The following DPRX variants were observed in gnomAD, a reference collection of about 807,000 sequenced individuals.
The protein encoded by DPRX is divergent-paired related homeobox.
A neutral mutation model predicts 8.4 loss-of-function variants in DPRX; 11 were observed. That is an observed-to-expected ratio of 1.31 (90% CI 0.82 to 2.17). DPRX has a LOEUF of 2.17. Ranked by LOEUF, DPRX falls within the 30% of genes most tolerant of loss-of-function variation. The pLI is 0.00. For synonymous variants in DPRX, 72 were observed against 87.0 expected (o/e 0.83, Z 0.96); for missense variants, 211 against 236.7 (o/e 0.89, Z 0.71).
upstream of DPRX, among the ~76,000 whole-genome samples, chr19:53,627,277 C>T (rs1322711238): frequency 6.6e-6 from 1 of 152,024 alleles, no homozygotes; most frequent in Non-Finnish European, 1.5e-5. Context: ...CTTCTTTTCT[C>T]CCCTTAAAAG....
the DPRX span, among the ~76,000 whole-genome samples, chr19:53,615,309 C>T: frequency 6.6e-6 from 1 of 151,000 alleles, no homozygotes; most frequent in African/African-American, 2.4e-5. Context: ...GAGACGCAGT[C>T]TCACTCTGTC....
the DPRX span, among the ~76,000 whole-genome samples, chr19:53,621,573 A>C: frequency 2.0e-5 from 3 of 152,106 alleles, no homozygotes; most frequent in Admixed American, 6.6e-5. Context: ...AGGCAGACTG[A>C]TCACTTTAGG....
the DPRX span, chr19:53,616,895 T>C: frequency 6.7e-7 from 1 of 1,492,256 alleles, no homozygotes; most frequent in South Asian, 1.1e-5. Context: ...CCGTTGGCCA[T>C]GACTATGTAT....
chr19:53,603,261 T>C, the DPRX span: 2 of 448,236 alleles, frequency 4.5e-6, no homozygotes. Context: ...TCACAACTCC[T>C]CTCAACTACC....
intron 2 of DPRX, among the ~76,000 whole-genome samples, chr19:53,635,960 C>T (rs1208525264): frequency 6.6e-6 from 1 of 152,126 alleles, no homozygotes; most frequent in Admixed American, 6.6e-5. Flanking sequence ...CCCAAAATCT[C>T]TCATTTCTGC....
chr19:53,622,025 A>G, the DPRX span, among the ~76,000 whole-genome samples: 12,718 of 151,964 alleles, frequency 0.084, 727 homozygotes, highest in African/African-American at 0.16. Context: ...TTTGCCTGCT[A>G]GGGTGACTCA....
the DPRX span, chr19:53,616,675 A>T: frequency 1.4e-6 from 1 of 738,860 alleles, no homozygotes. Flanking sequence ...AATCCCTTGA[A>T]CCTCATAGGC....
At chr19:53,610,264 G>A in the DPRX span, among the ~76,000 whole-genome samples, 3 of 151,694 alleles carry the variant, frequency 2.0e-5, no homozygotes, top group Non-Finnish European at 4.4e-5. Flanking sequence ...AGGTTGCAGT[G>A]AGCAGAGATC....
At chr19:53,635,486 G>A (rs192962253) in intron 2 of DPRX, among the ~76,000 whole-genome samples, 59 of 152,164 alleles carry the variant, frequency 3.9e-4, no homozygotes, top group African/African-American at 1.4e-3. Context: ...GACTACAGGT[G>A]TGTGGTACTA....
the DPRX span, among the ~76,000 whole-genome samples, chr19:53,607,767 C>T: frequency 2.6e-5 from 4 of 151,332 alleles, no homozygotes; most frequent in Non-Finnish European, 4.4e-5. Flanking sequence ...AGGAGAATCG[C>T]TTGAACCCGG....
the DPRX span, among the ~76,000 whole-genome samples, chr19:53,619,365 T>A: frequency 6.6e-6 from 1 of 151,788 alleles, no homozygotes; most frequent in Non-Finnish European, 1.5e-5. Flanking sequence ...ATAGTGAAAC[T>A]CTGTCTCTAC....
the DPRX span, among the ~76,000 whole-genome samples, chr19:53,624,351 AG>A: frequency 0.77 from 116,152 of 150,996 alleles, 45,453 homozygotes; most frequent in Admixed American, 0.85. Context: ...GGCCTCCCAA[AG>A]GGCTGGGATT....
At chr19:53,601,545 G>A in the DPRX span, among the ~76,000 whole-genome samples, 6 of 148,788 alleles carry the variant, frequency 4.0e-5, no homozygotes, top group African/African-American at 7.5e-5. Context: ...GCAGTGGCGC[G>A]ATCTCAGCTG....
chr19:53,616,552 C>T, the DPRX span, among the ~76,000 whole-genome samples: 4 of 152,124 alleles, frequency 2.6e-5, no homozygotes, highest in South Asian at 2.1e-4. Flanking sequence ...GTCAGGAGTT[C>T]GAGACCAGCC....
the DPRX span, among the ~76,000 whole-genome samples, chr19:53,625,197 C>T: frequency 6.6e-6 from 1 of 151,662 alleles, no homozygotes; most frequent in South Asian, 2.1e-4. Context: ...ACTATAGGTG[C>T]ATGCCTCCAT....
the DPRX span, among the ~76,000 whole-genome samples, chr19:53,613,533 AT>A: frequency 9.0e-6 from 1 of 110,664 alleles, no homozygotes; most frequent in African/African-American, 3.4e-5. Context: ...TTTTTTTTGT[AT>A]TTTTAGTAGA....
the DPRX span, chr19:53,602,250 C>T: frequency 5.7e-6 from 2 of 353,618 alleles, no homozygotes. Context: ...ATCCCCCAAA[C>T]CATATATATG....
At chr19:53,610,573 G>A in the DPRX span, among the ~76,000 whole-genome samples, 25,731 of 152,112 alleles carry the variant, frequency 0.17, 2,290 homozygotes, top group South Asian at 0.28. Context: ...TTATAGTGAA[G>A]AAACACACCT....
the DPRX span, chr19:53,603,343 A>G: frequency 2.2e-6 from 1 of 456,146 alleles, no homozygotes; most frequent in Non-Finnish European, 4.4e-6. Flanking sequence ...GAGAAACGCC[A>G]CTGCTCACCA....
Sources: gnomAD v4.1 joint callset for allele counts (sites outside exome capture counted in the v4.1 genomes callset) on GRCh38, gnomAD v4.1.1 for gene constraint, MANE v1.5 for transcripts, NCBI Gene and HGNC (gene_info 2026-07-23, HGNC 2026-07-21) for gene names.